The following TSGA10 variants were observed in gnomAD, a reference collection of about 807,000 sequenced individuals.
The protein encoded by TSGA10 is testis-specific gene 10 protein.
In TSGA10, 43 loss-of-function variants were observed where a neutral mutation model predicts 96.6. The ratio of observed to expected loss-of-function variants is 0.44; its 90% CI spans 0.35 to 0.57. The LOEUF is 0.57. Among genes scored for constraint, TSGA10 ranks in the 20% least tolerant of loss-of-function variants. The pLI, the probability that TSGA10 is intolerant of heterozygous loss-of-function variation, is 0.01. For synonymous variants in TSGA10, 229 were observed against 269.9 expected (o/e 0.85, Z 1.48); for missense variants, 703 against 834.4 (o/e 0.84, Z 1.94).
intron 10 of TSGA10, among the ~76,000 whole-genome samples, chr2:99,101,318 C>T (rs971624034): frequency 7.8e-6 from 1 of 127,420 alleles, no homozygotes; most frequent in African/African-American, 2.9e-5. Context: ...ACATAAATAA[C>T]GTCTGTTAAT....
intron 16 of TSGA10, among the ~76,000 whole-genome samples, chr2:99,044,067 CA>C (rs1168555556): frequency 6.6e-6 from 1 of 152,144 alleles, no homozygotes; most frequent in Non-Finnish European, 1.5e-5. Flanking sequence ...CCAGCCACTG[CA>C]AAAACATACC....
rs1411702863 is a variant in TSGA10 at position 99,108,943 on chromosome 2, C to T, written c.100G>A (p.Glu34Lys). ...ELLKTTTRDREELKCMLEKYE... is the reference protein window; with the variant it reads ...ELLKTTTRDRKELKCMLEKYE... ...TTTTCCAGCATGCATTTAAGTTCTT[C>T]ACGATCTCTTGTTGTTGTCTTCAAA... is the stretch of plus-strand genomic sequence containing the variant. The change falls in exon 7 of 21, where the codon GAA (glutamate) becomes AAA (lysine). Residue 34 changes from glutamate (E) to lysine (K), a missense_variant. This residue lies in a region of TSGA10 where 585 missense variants were observed against 656.8 expected (regional missense o/e 0.89). Transcript: ENST00000393483. The T allele has an allele frequency of 6.2e-7, 1 of 1,605,692 alleles. No individual in the cohort carries two copies.
intron 10 of TSGA10, among the ~76,000 whole-genome samples, chr2:99,094,663 C>T (rs886400435): frequency 2.6e-5 from 4 of 152,190 alleles, no homozygotes; most frequent in Non-Finnish European, 5.9e-5. Flanking sequence ...CTCAACATCA[C>T]TAATGATCAG....
At chr2:99,139,264 A>C (rs1337799607) in intron 1 of TSGA10, among the ~76,000 whole-genome samples, 1 of 152,208 alleles carries the variant, frequency 6.6e-6, no homozygotes, top group East Asian at 1.9e-4. Flanking sequence ...ATGTCTCAAA[A>C]AAAAAAGGTA....
intron 20 of TSGA10, 114 bp downstream of exon 20, chr2:99,018,086 T>C: frequency 1.0e-6 from 1 of 955,136 alleles, no homozygotes; most frequent in Non-Finnish European, 1.5e-6. Flanking sequence ...TTGGTAATCA[T>C]GTTTAAATAT....
chr2:99,101,819 A>G (rs1177080843), intron 10 of TSGA10, among the ~76,000 whole-genome samples: 3 of 152,242 alleles, frequency 2.0e-5, no homozygotes, highest in Non-Finnish European at 2.9e-5. Flanking sequence ...TACTCCACTT[A>G]CAAGATGTCT....
Position 99,118,595 on chromosome 2 carries a change from T to A in TSGA10, c.-400A>T, listed in dbSNP as rs2092407680. The A allele has an allele frequency of 6.1e-6, 6 of 983,914 alleles. No homozygotes were observed. The highest frequency in any genetic ancestry group is 9.4e-5 in the South Asian group (2 of 21,256). 60.9% of individuals were successfully genotyped at this position (983,914 alleles called of 1,614,324 possible). ...AATCAATCAAGTATTTGCTGCCTAA[T>A]GTGGAGGAACACAGCTTTCCTTCCC... On this transcript the variant is annotated 5_prime_UTR_variant, in exon 3 of 21. Coordinates refer to ENST00000393483, the MANE Select transcript of TSGA10 (RefSeq NM_025244.4).
At chr2:99,117,846 G>A (rs1574502115) in intron 3 of TSGA10, 87 bp from the exon 4 acceptor site, 2 of 613,052 alleles carry the variant, frequency 3.3e-6, no homozygotes, top group Non-Finnish European at 4.1e-6. Flanking sequence ...CAGGAAGGGA[G>A]ATTTGCTTCC....
Position 99,154,704 on chromosome 2 carries a change from G to A in TSGA10, c.-632C>T. 4.6e-6 allele frequency: 1 copy of A among 217,774 alleles called. No homozygotes were observed. Among genetic ancestry groups the A allele is most frequent in the Non-Finnish European group, 9.6e-6 (1 of 104,362 alleles). The allele number at this position is 217,774 out of a possible 1,614,324, so 13.5% of individuals were successfully genotyped here. The stretch of plus-strand genomic sequence containing the variant: ...GCCCGCTCTCCTACCTTCGCCCAGG[G>A]CTGGCCGTTATCTCTGTGCTGTCAC... On this transcript the variant is annotated 5_prime_UTR_variant, in exon 1 of 21. Transcript: ENST00000393483.
At chr2:99,016,353 C>T (rs1406806654) in intron 20 of TSGA10, among the ~76,000 whole-genome samples, 1 of 152,070 alleles carries the variant, frequency 6.6e-6, no homozygotes, top group Admixed American at 6.5e-5. Context: ...ATACTTACAG[C>T]CAACTGATTT....
chr2:99,071,799 A>G lies in TSGA10; in HGVS notation c.1014T>C (p.Asp338=), dbSNP rs562454017. The change falls in exon 14 of 21, where the codon GAT becomes GAC. Residue 338 remains aspartate (D), a synonymous_variant. Coordinates refer to ENST00000393483, the MANE Select transcript of TSGA10 (RefSeq NM_025244.4). Reference sequence around the variant, plus strand: ...TTTCCCTGGCGATCTGGGCCAGCTCATCATTTGTCTCATCCAATTGCCGAC... The same window carrying G: ...TTTCCCTGGCGATCTGGGCCAGCTCGTCATTTGTCTCATCCAATTGCCGAC... ...RMRRQLDETN[D]ELAQIARERD... The G allele has an allele frequency of 6.2e-7, 1 of 1,614,036 alleles. No homozygotes were observed. The highest frequency in any genetic ancestry group is 1.7e-5 in the Admixed American group (1 of 60,014).
chr2:99,041,569 A>G (rs2082185337), intron 16 of TSGA10, among the ~76,000 whole-genome samples: 1 of 152,240 alleles, frequency 6.6e-6, no homozygotes, highest in African/African-American at 2.4e-5. Flanking sequence ...AAACAAAAAC[A>G]TAAAGTGGGG....
At chr2:99,070,211 TATAAA>T (rs1420563663) in intron 14 of TSGA10, among the ~76,000 whole-genome samples, 2 of 152,200 alleles carry the variant, frequency 1.3e-5, no homozygotes, top group Non-Finnish European at 2.9e-5. Context: ...TAATAATAGC[TATAAA>T]ATATTTATTG....
chr2:99,103,975 A>G lies in TSGA10; in HGVS notation c.603T>C (p.Asn201=), dbSNP rs747774963. 3.1e-6 allele frequency: 5 copies of G among 1,613,962 alleles called. No homozygotes were observed. The South Asian group carries it at 4.4e-5, about 14-fold the overall frequency. ...SELGRQKAEN[N]SLRLLYENTE... ...AAGGTGATTTAGTTTACCTCAAAGAATTATTCTCTGCTTTTTGTCTGCCAA... is the reference window on the plus strand; with the variant it reads ...AAGGTGATTTAGTTTACCTCAAAGAGTTATTCTCTGCTTTTTGTCTGCCAA... The change falls in exon 10 of 21, where the codon AAT becomes AAC. Residue 201 remains asparagine, a synonymous_variant. Transcript: ENST00000393483.
Position 99,150,290 on chromosome 2 carries a change from T to C in TSGA10, c.-621+4403A>G, listed in dbSNP as rs527717685. Among the ~76,000 whole-genome samples, 3 of 152,302 alleles carry C rather than the reference T, an allele frequency of 2.0e-5. No individual in the cohort carries two copies. The South Asian group carries it at 6.2e-4, about 32-fold the overall frequency. The stretch of plus-strand genomic sequence containing the variant: ...AAAACATACAATCAGATAAATTTCC[T>C]TTTAAAAAGACTTTCAAATAAATCT... On this transcript the variant is annotated intron_variant, in intron 1 of 20. Transcript: ENST00000393483.
intron 15 of TSGA10, among the ~76,000 whole-genome samples, chr2:99,065,470 CT>C (rs1158527381): frequency 1.3e-5 from 2 of 152,176 alleles, no homozygotes; most frequent in South Asian, 4.1e-4. Flanking sequence ...TTACTGACTA[CT>C]TGCTGGTCTG....
chr2:99,048,791 G>C (rs986475456), intron 16 of TSGA10, among the ~76,000 whole-genome samples: 5 of 152,034 alleles, frequency 3.3e-5, no homozygotes, highest in African/African-American at 4.8e-5. Flanking sequence ...GTATGAACAG[G>C]CAACCTAAAG....
chr2:99,134,883 C>G (rs1036046045), intron 1 of TSGA10, among the ~76,000 whole-genome samples: 1 of 152,214 alleles, frequency 6.6e-6, no homozygotes, highest in Non-Finnish European at 1.5e-5. Context: ...AGGTCCACTC[C>G]AGACCCTGTT....
At chr2:99,104,575 A>G (rs1007547838) in intron 9 of TSGA10, among the ~76,000 whole-genome samples, 19 of 152,040 alleles carry the variant, frequency 1.2e-4, no homozygotes, top group Non-Finnish European at 1.2e-4. Flanking sequence ...CCCGGGTGCA[A>G]GCAATTCTCC....
Sources: gnomAD v4.1 joint callset for allele counts (sites outside exome capture counted in the v4.1 genomes callset) on GRCh38, gnomAD v4.1.1 for gene constraint, gnomAD v4.1.1 regional missense constraint, MANE v1.5 for transcripts, NCBI Gene and HGNC (gene_info 2026-07-23, HGNC 2026-07-21) for gene names.